The following NUP210 variants were observed in gnomAD, a reference collection of about 807,000 sequenced individuals.
NUP210 encodes nuclear pore membrane glycoprotein 210.
In NUP210, 151 loss-of-function variants were observed where a neutral mutation model predicts 196.0. The observed-to-expected ratio is 0.77, with a 90% CI of 0.67 to 0.88. NUP210 has a LOEUF of 0.88. NUP210 is among the 40% of genes least tolerant of loss of function. The pLI is 0.00. For synonymous variants in NUP210, 1,070 were observed against 1,052.7 expected (o/e 1.02, Z -0.32); for missense variants, 2,314 against 2,493.7 (o/e 0.93, Z 1.53).
At position 13,397,389 on chromosome 3, in the gene NUP210, A is replaced by AG. The variant is rs762804106; in HGVS notation, c.403dup (p.Leu135ProfsTer116). The AG allele has an allele frequency of 1.2e-5, 20 of 1,611,876 alleles. No individual in the cohort carries two copies. The highest frequency in any genetic ancestry group is 1.6e-5 in the Non-Finnish European group (19 of 1,179,254). On this transcript the variant is annotated frameshift_variant, in exon 3 of 40. Coordinates refer to ENST00000254508, the MANE Select transcript of NUP210 (RefSeq NM_024923.4). LOFTEE classifies it high-confidence loss of function. The stretch of plus-strand genomic sequence containing the variant: ...GTCCAGGGCCTGGATCTTCAGCTCC[A>AG]GGGGGGAGTCCTCCAGGTAGAGCTC...
At chr3:13,372,384 A>G (rs1375368484) in intron 12 of NUP210, among the ~76,000 whole-genome samples, 2 of 152,240 alleles carry the variant, frequency 1.3e-5, no homozygotes, top group African/African-American at 4.8e-5. Flanking sequence ...GGCAGTGGAA[A>G]GAGACGGGGC....
In NUP210 at chr3:13,325,842, C is replaced by T. The variant is rs562792933; in HGVS notation, c.4597G>A (p.Val1533Met). 21 of 1,613,974 alleles carry T rather than the reference C, an allele frequency of 1.3e-5. No homozygotes were observed. Among genetic ancestry groups the T allele is most frequent in the Admixed American group, 6.7e-5 (4 of 60,026 alleles). Residue 1533 changes from valine (V) to methionine (M), a missense_variant, in exon 33 of 40, where the codon GTG becomes ATG. Coordinates refer to ENST00000254508, the MANE Select transcript of NUP210 (RefSeq NM_024923.4). The part of the protein sequence containing the change: ...GVAVARAVGS[V>M]TVYYEVAGHL... ...CCAGCGACCTCATAGTAAACCGTCACGGATCCCACGGCCCGGGCCACAGCC... is the reference window on the plus strand; with the variant it reads ...CCAGCGACCTCATAGTAAACCGTCATGGATCCCACGGCCCGGGCCACAGCC...
intron 15 of NUP210, among the ~76,000 whole-genome samples, chr3:13,358,618 C>A (rs951637925): frequency 6.6e-6 from 1 of 152,134 alleles, no homozygotes. Flanking sequence ...AGCCCATGTG[C>A]CCTATGGGCT....
In NUP210 at chr3:13,340,191, G is replaced by GGCCT. The variant is rs372348679; in HGVS notation, c.3291+41_3291+44dup. 5.0e-4 allele frequency: 805 copies of GGCCT among 1,611,296 alleles called. 3 individuals are homozygous for GGCCT. In the African/African-American group the frequency reaches 9.7e-3, roughly 19 times the overall value. ...GGCGGCGTGCCTGGAACCAGGTGGTGGCCTGCACTGGGGCTGGAGCAGGAC... is the reference window on the plus strand; with the variant it reads ...GGCGGCGTGCCTGGAACCAGGTGGTGGCCTGCCTGCACTGGGGCTGGAGCAGGAC... On this transcript the variant is annotated intron_variant, in intron 24 of 39. Coordinates refer to ENST00000254508, the MANE Select transcript of NUP210 (RefSeq NM_024923.4). The surrounding 1 kb of genome is among the most constrained non-coding windows in gnomAD (Gnocchi z 4.0).
intron 4 of NUP210, 134 bp downstream of exon 4, chr3:13,391,077 T>C: frequency 3.1e-6 from 2 of 652,814 alleles, no homozygotes; most frequent in Non-Finnish European, 5.6e-6. Flanking sequence ...ACACTCGGAA[T>C]GTTACGGGCA....
At chr3:13,378,853 T>A in intron 8 of NUP210, 59 bp downstream of exon 8, 1 of 1,257,336 alleles carries the variant, frequency 8.0e-7, no homozygotes, top group East Asian at 2.3e-5. Flanking sequence ...TTCTATTTTT[T>A]AAACTCATAT....
intron 3 of NUP210, among the ~76,000 whole-genome samples, chr3:13,395,147 C>T (rs1699610472): frequency 6.6e-6 from 1 of 152,162 alleles, no homozygotes; most frequent in African/African-American, 2.4e-5. Context: ...GGCTGCTGGG[C>T]ACCATCCTGG....
Position 13,420,109 on chromosome 3 carries a change from C to T in NUP210, c.118G>A (p.Ala40Thr). The change falls in exon 1 of 40, where the codon GCC (alanine) becomes ACC (threonine). Residue 40 changes from alanine (A) to threonine (T), a missense_variant. By Grantham distance (58) the Ala-to-Thr change is moderately conservative. Coordinates refer to ENST00000254508, the MANE Select transcript of NUP210 (RefSeq NM_024923.4). This position sits in a 1 kb window ranked among gnomAD's most constrained non-coding sequence, Gnocchi z 4.8. Reference protein sequence around the residue: ...IPKVLLPFTRATRVNFTLEAS... With the variant: ...IPKVLLPFTRTTRVNFTLEAS... ...TCCAGCGTGAAGTTAACGCGCGTGGCCCGCGTGAAGGGCAGCAGCACTTTG... is the reference window on the plus strand; with the variant it reads ...TCCAGCGTGAAGTTAACGCGCGTGGTCCGCGTGAAGGGCAGCAGCACTTTG... The T allele has an allele frequency of 7.2e-7, 1 of 1,383,342 alleles. No individual in the cohort carries two copies. Among genetic ancestry groups the T allele is most frequent in the Non-Finnish European group, 9.5e-7 (1 of 1,047,626 alleles). The allele number at this position is 1,383,342 out of a possible 1,614,324, so 85.7% of individuals were successfully genotyped here. A position where few individuals can be genotyped will look rare whatever the true frequency, so the allele number is the denominator to read the frequency against.
At position 13,420,211 on chromosome 3, in the gene NUP210, G is replaced by C. The variant is rs565941349; in HGVS notation, c.16C>G (p.Arg6Gly). The change falls in exon 1 of 40, where the codon CGG (arginine) becomes GGG (glycine). Residue 6 changes from arginine (R) to glycine (G), a missense_variant. Transcript: ENST00000254508. The surrounding 1 kb of genome is among the most constrained non-coding windows in gnomAD (Gnocchi z 4.8). ...GACAGCGTCAGCAGCAGCAGCCCCC[G>C]GCCCCGCGCCGCCATCCTCGCCGCG... is the stretch of plus-strand genomic sequence containing the variant. Reference protein sequence around the residue: MAARGRGLLLLTLSVL... With the variant: MAARGGGLLLLTLSVL... 2.6e-6 allele frequency: 3 copies of C among 1,170,222 alleles called. No individual in the cohort carries two copies. The highest frequency in any genetic ancestry group is 4.2e-5 in the East Asian group (1 of 24,068). The allele number at this position is 1,170,222 out of a possible 1,614,324, so 72.5% of individuals were successfully genotyped here. A position where few individuals can be genotyped will look rare whatever the true frequency, so the allele number is the denominator to read the frequency against.
intron 14 of NUP210, among the ~76,000 whole-genome samples, chr3:13,363,708 G>GTAAATAA (rs1698441353): frequency 2.6e-5 from 4 of 152,160 alleles, no homozygotes; most frequent in African/African-American, 9.7e-5. Context: ...GATCTTACCT[G>GTAAATAA]CTAACTAGGA....
intron 1 of NUP210, among the ~76,000 whole-genome samples, chr3:13,402,106 G>A (rs1699857716): frequency 6.6e-6 from 1 of 152,186 alleles, no homozygotes; most frequent in Non-Finnish European, 1.5e-5. Flanking sequence ...GGCTGTGGGA[G>A]GGAGGATCCC....
chr3:13,333,520 C>T (rs969885911), intron 28 of NUP210, among the ~76,000 whole-genome samples: 3 of 152,330 alleles, frequency 2.0e-5, no homozygotes, highest in East Asian at 1.9e-4. Context: ...GCTCTGTCCA[C>T]GTAAGCCTAG....
intron 20 of NUP210, chr3:13,344,922 T>C (rs11915033): frequency 0.026 from 25,965 of 985,288 alleles, 530 homozygotes; most frequent in African/African-American, 0.088. Flanking sequence ...ACAGTCTTCC[T>C]GCATCCACGT....
intron 1 of NUP210, among the ~76,000 whole-genome samples, chr3:13,408,563 G>A (rs1441483731): frequency 6.6e-6 from 1 of 152,184 alleles, no homozygotes; most frequent in African/African-American, 2.4e-5. Context: ...GCCAAGGCAT[G>A]TGGATCATGA....
chr3:13,379,653 G>A lies in NUP210; in HGVS notation c.886C>T (p.Pro296Ser). The A allele has an allele frequency of 1.5e-5, 25 of 1,613,950 alleles. No homozygotes were observed. The highest frequency in any genetic ancestry group is 2.1e-5 in the Non-Finnish European group (25 of 1,179,966). The part of the protein sequence containing the change: ...QNSIPGPEGD[P>S]ARPVAVLAQD... The stretch of plus-strand genomic sequence containing the variant: ...GCCAAGACAGCCACCGGCCGGGCTG[G>A]GTCTCCTTCGGGGCCCGGGATGCTG... The change falls in exon 7 of 40, where the codon CCA becomes TCA. Residue 296 changes from proline to serine, a missense_variant. Pro to Ser is a moderately conservative substitution (Grantham distance 74). Coordinates refer to ENST00000254508, the MANE Select transcript of NUP210 (RefSeq NM_024923.4). This position sits in a 1 kb window ranked among gnomAD's most constrained non-coding sequence, Gnocchi z 4.2.
Position 13,319,125 on chromosome 3 carries a change from A to T in NUP210, c.5510T>A (p.Leu1837His). Residue 1837 changes from leucine (L) to histidine (H), a missense_variant, in exon 39 of 40, where the codon CTT (leucine) becomes CAT (histidine). By Grantham distance (99) the Leu-to-His change is moderately conservative. Transcript: ENST00000254508. ...AYHTVCTPRD[L>H]AVPAALTPRA... is the part of the protein sequence containing the mutation. ...AGGCGTGAGGGCTGCAGGCACAGCA[A>T]GATCCCGGGGCGTGCAGACAGTGTG... The T allele has an allele frequency of 1.2e-6, 2 of 1,609,624 alleles. 1 individual carries two copies. Among genetic ancestry groups the T allele is most frequent in the East Asian group, 4.5e-5 (2 of 44,750 alleles).
chr3:13,364,447 T>G (rs1283374981), intron 14 of NUP210, among the ~76,000 whole-genome samples: 1 of 152,200 alleles, frequency 6.6e-6, no homozygotes, highest in Non-Finnish European at 1.5e-5. Flanking sequence ...ATACATTTCC[T>G]CACACGTTCA....
rs1322044954 is a variant in NUP210 at position 13,417,820 on chromosome 3, C to A, written c.167+2240G>T. Among the ~76,000 whole-genome samples, 3 of 152,122 alleles carry A rather than the reference C, an allele frequency of 2.0e-5. No individual in the cohort carries two copies. The East Asian group carries it at 5.8e-4, about 29-fold the overall frequency. ...TAAGGTACTTAGCACTTCTCTGATG[C>A]ATCAGAGATTAAGAATGTTTTTTCC... is the stretch of plus-strand genomic sequence containing the variant. On this transcript the variant is annotated intron_variant, in intron 1 of 39. Transcript: ENST00000254508.
At chr3:13,373,161 A>G (rs111310250) in intron 12 of NUP210, among the ~76,000 whole-genome samples, 7 of 152,338 alleles carry the variant, frequency 4.6e-5, no homozygotes, top group African/African-American at 1.7e-4. Context: ...GCACTAGGCA[A>G]GTATGGCCTG....
Sources: gnomAD v4.1 joint callset for allele counts (sites outside exome capture counted in the v4.1 genomes callset) on GRCh38, gnomAD v4.1.1 for gene constraint, Gnocchi (gnomAD v3.1) non-coding constraint, MANE v1.5 for transcripts, NCBI Gene and HGNC (gene_info 2026-07-23, HGNC 2026-07-21) for gene names.